MCTP2: variants seen among roughly 807,000 people sequenced by gnomAD.
The protein encoded by MCTP2 is multiple C2 and transmembrane domain containing 2, also known as multiple C2 and transmembrane domain-containing protein 2.
A neutral mutation model predicts 111.6 loss-of-function variants in MCTP2; 132 were observed. The observed-to-expected ratio is 1.18, with a 90% CI of 1.03 to 1.37. The LOEUF (loss-of-function observed/expected upper bound fraction) is 1.37. Ranked by LOEUF, MCTP2 falls within the 40% of genes most tolerant of loss-of-function variation. The pLI, the probability that MCTP2 is intolerant of heterozygous loss-of-function variation, is 0.00. For missense variants in MCTP2, 1,183 were observed against 1,067.9 expected (o/e 1.11, Z -1.50); for synonymous variants, 395 against 387.7 (o/e 1.02, Z -0.22).
chr15:94,392,385 G>A (rs1449698679), intron 14 of MCTP2, among the ~76,000 whole-genome samples: 2 of 149,010 alleles, frequency 1.3e-5, no homozygotes, highest in South Asian at 2.1e-4. Context: ...AAAAAAAATA[G>A]TAATAGTAAG....
rs1164666360 is a variant in MCTP2, at chr15:94,384,139, C to G, written c.1685+15C>G. The stretch of plus-strand genomic sequence containing the variant: ...GTTTTTACATTGTAAGTGCTTTAGC[C>G]TCTGGAATTATTTCTGCTGTGCTTG... On this transcript the variant is annotated intron_variant, in intron 13 of 22. Coordinates refer to ENST00000357742, the MANE Select transcript of MCTP2 (RefSeq NM_001385001.1). 1 of 1,575,172 alleles carries G rather than the reference C, an allele frequency of 6.3e-7. No homozygotes were observed. The highest frequency in any genetic ancestry group is 2.3e-5 in the East Asian group (1 of 44,354).
chr15:94,439,028 A>C (rs1423552578), intron 17 of MCTP2, among the ~76,000 whole-genome samples: 1 of 152,200 alleles, frequency 6.6e-6, no homozygotes, highest in African/African-American at 2.4e-5. Flanking sequence ...GCAGGAATGA[A>C]ATAAACTATT....
intron 12 of MCTP2, among the ~76,000 whole-genome samples, chr15:94,378,378 C>A (rs942830236): frequency 1.3e-5 from 2 of 151,428 alleles, no homozygotes; most frequent in African/African-American, 4.9e-5. Context: ...AAAAATTAAC[C>A]AGGTATGGTG....
At chr15:94,240,735 A>G (rs2070888390) in intron 1 of MCTP2, among the ~76,000 whole-genome samples, 1 of 152,156 alleles carries the variant, frequency 6.6e-6, no homozygotes, top group Non-Finnish European at 1.5e-5. Context: ...TCTATCCTTT[A>G]TCTGATCCAA....
At chr15:94,315,014 T>C (rs2076317688) in intron 3 of MCTP2, 1 of 320,820 alleles carries the variant, frequency 3.1e-6, no homozygotes, top group African/African-American at 2.2e-5. Flanking sequence ...TGTGGGCTTG[T>C]GGGGGCATCA....
intron 12 of MCTP2, among the ~76,000 whole-genome samples, chr15:94,371,708 C>T (rs546232750): frequency 1.2e-4 from 19 of 152,042 alleles, no homozygotes; most frequent in African/African-American, 3.9e-4. Flanking sequence ...TTTTAACCCG[C>T]GATGGAGTCC....
At chr15:94,304,711 C>T (rs1454465408) in intron 2 of MCTP2, among the ~76,000 whole-genome samples, 4 of 152,148 alleles carry the variant, frequency 2.6e-5, no homozygotes. Flanking sequence ...TGCTGAATGG[C>T]ATTTCATACA....
intron 1 of MCTP2, among the ~76,000 whole-genome samples, chr15:94,245,925 C>G (rs999348480): frequency 6.6e-6 from 1 of 151,952 alleles, no homozygotes; most frequent in Admixed American, 6.6e-5. Context: ...ACTTGTCTCC[C>G]TGGAGTGTCA....
At chr15:94,294,008 A>G (rs1310529642) in intron 1 of MCTP2, among the ~76,000 whole-genome samples, 1 of 152,190 alleles carries the variant, frequency 6.6e-6, no homozygotes, top group Non-Finnish European at 1.5e-5. Context: ...TGGTACATCC[A>G]CACAATAGAC....
At chr15:94,317,611 G>A (rs1412627484) in intron 4 of MCTP2, among the ~76,000 whole-genome samples, 1 of 152,128 alleles carries the variant, frequency 6.6e-6, no homozygotes, top group Non-Finnish European at 1.5e-5. Context: ...CAAGCCTGGA[G>A]CATTCGTGGT....
intron 19 of MCTP2, among the ~76,000 whole-genome samples, chr15:94,452,614 C>T (rs2084532046): frequency 6.6e-6 from 1 of 152,156 alleles, no homozygotes. Context: ...TGAGGATGGA[C>T]CCACCACAGT....
intron 1 of MCTP2, among the ~76,000 whole-genome samples, chr15:94,269,596 A>G (rs1040149001): frequency 6.6e-6 from 1 of 152,204 alleles, no homozygotes; most frequent in African/African-American, 2.4e-5. Flanking sequence ...TAAATTTATC[A>G]GGCTCCCATA....
At chr15:94,358,258 G>A (rs1014240445) in intron 9 of MCTP2, among the ~76,000 whole-genome samples, 1 of 152,102 alleles carries the variant, frequency 6.6e-6, no homozygotes, top group Non-Finnish European at 1.5e-5. Context: ...TTGTAACTTG[G>A]TGGATAAATT....
rs190927862 is a variant in MCTP2, at chr15:94,268,113, G to A, written c.-65-30088G>A. Reference sequence around the variant, plus strand: ...AATCTCCTGACCTTGTGATGAACCCGCCTTGGCCTCCCAAAGTGCTGAGAT... The same window carrying A: ...AATCTCCTGACCTTGTGATGAACCCACCTTGGCCTCCCAAAGTGCTGAGAT... On this transcript the variant is annotated intron_variant, in intron 1 of 22. Coordinates refer to ENST00000357742, the MANE Select transcript of MCTP2 (RefSeq NM_001385001.1). 8.0e-5 allele frequency among the ~76,000 whole-genome samples: 12 copies of A among 150,778 alleles called. No individual in the cohort carries two copies. In the East Asian group the frequency reaches 1.2e-3, roughly 15 times the overall value.
intron 1 of MCTP2, among the ~76,000 whole-genome samples, chr15:94,245,625 T>C (rs2071907848): frequency 6.9e-6 from 1 of 145,532 alleles, no homozygotes; most frequent in Non-Finnish European, 1.5e-5. Context: ...TACATGTATA[T>C]ATACATATAC....
Position 94,475,914 on chromosome 15 carries a change from C to A in MCTP2, c.2471-782C>A, listed in dbSNP as rs200083561. ...GGATGTTGACATCTTAAACGTTCAA[C>A]CCGTTTCTAATTATCCTTGTCCTTG... On this transcript the variant is annotated intron_variant, in intron 21 of 22. Coordinates refer to ENST00000357742, the MANE Select transcript of MCTP2 (RefSeq NM_001385001.1). Among the ~76,000 whole-genome samples, 6 of 146,916 alleles carry A rather than the reference C, an allele frequency of 4.1e-5. No homozygotes were observed. The South Asian group carries it at 1.3e-3, about 32-fold the overall frequency.
At chr15:94,466,481 A>G (rs534040866) in intron 20 of MCTP2, among the ~76,000 whole-genome samples, 9 of 152,292 alleles carry the variant, frequency 5.9e-5, no homozygotes, top group African/African-American at 1.9e-4. Flanking sequence ...ATAAACTGAA[A>G]TGATAGATTT....
chr15:94,385,092 T>G (rs1259778920), intron 13 of MCTP2, among the ~76,000 whole-genome samples: 7 of 152,250 alleles, frequency 4.6e-5, no homozygotes, highest in African/African-American at 1.7e-4. Context: ...TTTTTAAAAA[T>G]TACTTTGGTT....
Position 94,298,198 on chromosome 15 carries a change from T to G in MCTP2, c.-65-3T>G. ...TTTTTTGTTGTTTTTTTCTGTTTTA[T>G]AGGAGTCATTGCAGTTTTCAGTAGA... On this transcript the variant is annotated splice_polypyrimidine_tract_variant and splice_region_variant and intron_variant, in intron 1 of 22. Coordinates refer to ENST00000357742, the MANE Select transcript of MCTP2 (RefSeq NM_001385001.1). 1 of 1,187,402 alleles carries G rather than the reference T, an allele frequency of 8.4e-7. No individual in the cohort carries two copies. The highest frequency in any genetic ancestry group is 2.6e-5 in the Admixed American group (1 of 38,826). 73.6% of individuals were successfully genotyped at this position (1,187,402 alleles called of 1,614,324 possible). A position where few individuals can be genotyped will look rare whatever the true frequency, so the allele number is the denominator to read the frequency against.
Sources: allele counts gnomAD v4.1 joint callset (sites outside exome capture counted in the v4.1 genomes callset), GRCh38; gene constraint gnomAD v4.1.1; transcripts MANE v1.5; gene names NCBI Gene and HGNC (gene_info 2026-07-23, HGNC 2026-07-21).